PCNT: variants seen among roughly 807,000 people sequenced by gnomAD.
The protein encoded by PCNT is kendrin.
In PCNT, 319 loss-of-function variants were observed where a neutral mutation model predicts 380.4. The observed-to-expected ratio is 0.84, with a 90% CI of 0.77 to 0.92. PCNT has a LOEUF of 0.92. Among genes scored for constraint, PCNT ranks in the 40% least tolerant of loss-of-function variants. The probability of loss-of-function intolerance (pLI) is 0.00; values close to 1 mark genes in which losing one functional copy is unlikely to be tolerated. For missense variants in PCNT, 4,400 were observed against 4,255.3 expected, an observed-to-expected ratio of 1.03 and a Z score of -0.95; for synonymous variants, 1,845 against 1,735.2, an observed-to-expected ratio of 1.06 and a Z score of -1.57.
intron 27 of PCNT, among the ~76,000 whole-genome samples, chr21:46,409,092 C>T (rs1019243115): frequency 1.2e-4 from 18 of 151,600 alleles, no homozygotes; most frequent in South Asian, 4.2e-4. Context: ...ATCTTTTGAA[C>T]GCTTTTTTTT....
chr21:46,353,845 C>T (rs918133352), intron 10 of PCNT, 142 bp from the exon 11 acceptor site: 1 of 740,312 alleles, frequency 1.4e-6, no homozygotes, highest in South Asian at 1.5e-5. Flanking sequence ...TGCCACGGCT[C>T]CCCGCACATG....
At position 46,429,185 on chromosome 21, in the gene PCNT, C is replaced by T. The variant is rs191461768; in HGVS notation, c.7690+595C>T. 3.1e-4 allele frequency among the ~76,000 whole-genome samples: 47 copies of T among 152,272 alleles called. No individual in the cohort carries two copies. The Middle Eastern group carries it at 0.014, about 44-fold the overall frequency. On this transcript the variant is annotated intron_variant, in intron 35 of 46. Transcript: ENST00000359568. ...TCAGCCCACGGCCCTTGTCCCGGCG[C>T]CCATGCCCTTTGTGCTCTCTGGGGC... is the stretch of plus-strand genomic sequence containing the variant.
Position 46,367,092 on chromosome 21 carries a change from A to G in PCNT, c.3118A>G (p.Thr1040Ala), listed in dbSNP as rs574301679. 6 of 1,613,540 alleles carry G rather than the reference A, an allele frequency of 3.7e-6. No individual in the cohort carries two copies. Among genetic ancestry groups the G allele is most frequent in the East Asian group, 4.5e-5 (2 of 44,892 alleles). ...GGACCACCTGCGAACCGAAGTGAGC[A>G]CAGAGCTCGCCGGAACCGTGGCTCA... ...VRDHLRTEVS[T>A]ELAGTVAHEL... is the part of the protein sequence containing the mutation. The change falls in exon 15 of 47, where the codon ACA (threonine) becomes GCA (alanine). Residue 1040 changes from threonine to alanine, a missense_variant. Coordinates refer to ENST00000359568, the MANE Select transcript of PCNT (RefSeq NM_006031.6).
chr21:46,358,448 G>A lies in PCNT; in HGVS notation c.2154+1257G>A, dbSNP rs140847835. ...TTTGTTAAATGCAGGTGTTGGTAAGGACTTCCAGCAAAATAGAGGTAAGGG... is the reference window on the plus strand; with the variant it reads ...TTTGTTAAATGCAGGTGTTGGTAAGAACTTCCAGCAAAATAGAGGTAAGGG... On this transcript the variant is annotated intron_variant, in intron 13 of 46. Transcript: ENST00000359568. Among the ~76,000 whole-genome samples the A allele has an allele frequency of 2.9e-3, 444 of 152,326 alleles. 2 individuals carry two copies. The highest frequency in any genetic ancestry group is 0.02 in the Middle Eastern group (6 of 294).
Position 46,367,018 on chromosome 21 carries a change from A to T in PCNT, c.3044A>T (p.Glu1015Val). Residue 1015 changes from glutamate (E) to valine (V), a missense_variant, in exon 15 of 47, where the codon GAG (glutamate) becomes GTG (valine). Physicochemically the swap from Glu to Val is moderately radical, Grantham distance 121. Coordinates refer to ENST00000359568, the MANE Select transcript of PCNT (RefSeq NM_006031.6). ...DSLHQTILTQ[E>V]LEKLKRKHEG... Reference sequence around the variant, plus strand: ...CTTCACCAAACGATTTTGACTCAAGAGTTGGAGAAACTGAAGCGGAAACAC... The same window carrying T: ...CTTCACCAAACGATTTTGACTCAAGTGTTGGAGAAACTGAAGCGGAAACAC... The T allele has an allele frequency of 6.2e-7, 1 of 1,614,154 alleles. No homozygotes were observed. The highest frequency in any genetic ancestry group is 8.5e-7 in the Non-Finnish European group (1 of 1,180,032).
At chr21:46,385,239 C>G (rs1310219566) in intron 16 of PCNT, among the ~76,000 whole-genome samples, 4 of 152,060 alleles carry the variant, frequency 2.6e-5, no homozygotes, top group African/African-American at 9.7e-5. Context: ...ACCTGTAGTC[C>G]CAGCTTCTCA....
chr21:46,326,909 A>C (rs867057104), intron 2 of PCNT, among the ~76,000 whole-genome samples: 1 of 151,198 alleles, frequency 6.6e-6, no homozygotes, highest in South Asian at 2.1e-4. Flanking sequence ...GCTACTCGGG[A>C]GGTTGAGGGA....
At chr21:46,427,945 G>A (rs1453212804) in intron 34 of PCNT, 150 bp downstream of exon 34, 17 of 831,162 alleles carry the variant, frequency 2.0e-5, no homozygotes, top group Non-Finnish European at 2.7e-5. Context: ...AGGTGTTGAC[G>A]CTCAGTCCAT....
intron 19 of PCNT, among the ~76,000 whole-genome samples, chr21:46,389,956 T>C (rs1041241377): frequency 2.0e-5 from 3 of 152,112 alleles, no homozygotes; most frequent in Non-Finnish European, 2.9e-5. Flanking sequence ...GGACAGAACT[T>C]TGTCTGAATG....
Position 46,353,108 on chromosome 21 carries a change from A to G in PCNT, c.1461A>G (p.Leu487=). Reference sequence around the variant, plus strand: ...CCTGACTCCGTTATGTTGCAGAGCTACATGAGCAACTCCTGGCGCGCACCT... The same window carrying G: ...CCTGACTCCGTTATGTTGCAGAGCTGCATGAGCAACTCCTGGCGCGCACCT... ...ARTSRQELSE[L]HEQLLARTSR... The change falls in exon 10 of 47, where the codon CTA becomes CTG. Residue 487 remains leucine, a synonymous_variant. Coordinates refer to ENST00000359568, the MANE Select transcript of PCNT (RefSeq NM_006031.6). 1 of 1,613,474 alleles carries G rather than the reference A, an allele frequency of 6.2e-7. No homozygotes were observed. The highest frequency in any genetic ancestry group is 8.5e-7 in the Non-Finnish European group (1 of 1,179,570).
At chr21:46,432,280 T>C in intron 38 of PCNT, 65 bp downstream of exon 38, 1 of 1,474,498 alleles carries the variant, frequency 6.8e-7, no homozygotes, top group Non-Finnish European at 9.3e-7. Flanking sequence ...GTTAGGATGG[T>C]TCACGTGGGG....
chr21:46,397,915 G>A (rs1304150806), intron 22 of PCNT, 99 bp from the exon 23 acceptor site: 2 of 844,578 alleles, frequency 2.4e-6, no homozygotes, highest in Non-Finnish European at 3.9e-6. Flanking sequence ...CTGCTGGGCA[G>A]TTGCACTTGT....
chr21:46,424,561 G>A (rs1330122535), intron 32 of PCNT, among the ~76,000 whole-genome samples: 1 of 152,246 alleles, frequency 6.6e-6, no homozygotes, highest in Non-Finnish European at 1.5e-5. Flanking sequence ...CTTTGTAAGA[G>A]ATGTTTTTTA....
Position 46,363,894 on chromosome 21 carries a change from A to G in PCNT, c.2569A>G (p.Lys857Glu). Residue 857 changes from lysine to glutamate, a missense_variant, in exon 14 of 47, where the codon AAG (lysine) becomes GAG (glutamate). Coordinates refer to ENST00000359568, the MANE Select transcript of PCNT (RefSeq NM_006031.6). ...CGGGGAGCTTGCTGCGCTCCACGTG[A>G]AGGAAGACTGCGCCCTGCAGCTGAT... Reference protein sequence around the residue: ...QDGELAALHVKEDCALQLMLA... With the variant: ...QDGELAALHVEEDCALQLMLA... 1 of 1,611,650 alleles carries G rather than the reference A, an allele frequency of 6.2e-7. No homozygotes were observed. The highest frequency in any genetic ancestry group is 8.5e-7 in the Non-Finnish European group (1 of 1,179,586).
At chr21:46,349,309 G>A in intron 7 of PCNT, 123 bp downstream of exon 7, 1 of 874,994 alleles carries the variant, frequency 1.1e-6, no homozygotes, top group Non-Finnish European at 1.9e-6. Flanking sequence ...ATGCTGGATG[G>A]CCCCATGCAC....
In PCNT at chr21:46,389,289, A is replaced by C. The variant is rs199787861; in HGVS notation, c.3698A>C (p.Glu1233Ala). ...SECAEMSSVA[E>A]ISSHMRESFL... ...TGTGCAGAGATGTCTTCCGTGGCTG[A>C]AATTAGCAGCCACATGCGTGAAAGC... is the stretch of plus-strand genomic sequence containing the variant. Residue 1233 changes from glutamate (E) to alanine (A), a missense_variant, in exon 19 of 47, where the codon GAA becomes GCA. Glu to Ala is a moderately radical substitution (Grantham distance 107). Transcript: ENST00000359568. 240 of 1,614,188 alleles carry C rather than the reference A, an allele frequency of 1.5e-4. 1 individual carries two copies. In the East Asian group the frequency reaches 5.2e-3, roughly 35 times the overall value.
At chr21:46,396,384 G>A (rs1430525856) in intron 21 of PCNT, among the ~76,000 whole-genome samples, 3 of 152,186 alleles carry the variant, frequency 2.0e-5, no homozygotes, top group South Asian at 2.1e-4. Flanking sequence ...TGTATCCTCC[G>A]GAGTGGAGGG....
At chr21:46,385,779 T>C (rs1407240679) in intron 16 of PCNT, 53 bp from the exon 17 acceptor site, 7 of 1,597,372 alleles carry the variant, frequency 4.4e-6, no homozygotes, top group Non-Finnish European at 5.2e-6. Flanking sequence ...CTTACAGCCA[T>C]TTGCTTTTAA....
chr21:46,356,761 C>T (rs953442474), intron 12 of PCNT, among the ~76,000 whole-genome samples: 2 of 152,228 alleles, frequency 1.3e-5, no homozygotes, highest in African/African-American at 4.8e-5. Flanking sequence ...CTCGGGACGG[C>T]ACTGTGCTGG....
Sources: gnomAD v4.1 joint callset for allele counts (sites outside exome capture counted in the v4.1 genomes callset) on GRCh38, gnomAD v4.1.1 for gene constraint, MANE v1.5 for transcripts, NCBI Gene and HGNC (gene_info 2026-07-23, HGNC 2026-07-21) for gene names.